Variants in THSD7B observed in about 807,000 individuals in gnomAD.
THSD7B encodes the protein thrombospondin type-1 domain-containing protein 7B.
THSD7B carries 138 observed loss-of-function variants against 213.6 expected under a neutral mutation model. That is an observed-to-expected ratio of 0.65 (90% CI 0.56 to 0.74). THSD7B has a LOEUF of 0.74. THSD7B is among the 30% of genes least tolerant of loss of function. The pLI, the probability that THSD7B is intolerant of heterozygous loss-of-function variation, is 0.00. For synonymous variants in THSD7B, 742 were observed against 687.0 expected, an observed-to-expected ratio of 1.08 and a Z score of -1.25; for missense variants, 1,931 against 1,991.5, an observed-to-expected ratio of 0.97 and a Z score of 0.58.
chr2:137,231,355 C>T, intron 8 of THSD7B, 120 bp downstream of exon 8: 2 of 983,622 alleles, frequency 2.0e-6, no homozygotes, highest in Admixed American at 2.8e-5. Context: ...TATCTCTATT[C>T]CCTGAATCCA....
At chr2:137,668,676 A>G (rs1022227247) in intron 27 of THSD7B, among the ~76,000 whole-genome samples, 1 of 152,226 alleles carries the variant, frequency 6.6e-6, no homozygotes, top group East Asian at 1.9e-4. Context: ...CCTGACTACT[A>G]ATGGCCCGCT....
intron 3 of THSD7B, among the ~76,000 whole-genome samples, chr2:137,092,875 T>A (rs1000245627): frequency 4.6e-5 from 7 of 152,200 alleles, no homozygotes; most frequent in African/African-American, 1.7e-4. Context: ...TGACCTCAGG[T>A]GATCTGCCTG....
chr2:137,569,726 C>T (rs964832095), intron 16 of THSD7B, among the ~76,000 whole-genome samples: 2 of 152,084 alleles, frequency 1.3e-5, no homozygotes, highest in African/African-American at 4.8e-5. Flanking sequence ...AGCCCGTCTA[C>T]TTTCCATTTC....
At chr2:137,333,944 GT>G (rs1448498687) in intron 12 of THSD7B, among the ~76,000 whole-genome samples, 1 of 152,092 alleles carries the variant, frequency 6.6e-6, no homozygotes. Context: ...TAAACCAAAA[GT>G]TTGCAAACTC....
chr2:136,973,810 GAGTATA>G (rs2104801692), intron 2 of THSD7B, among the ~76,000 whole-genome samples: 1 of 152,284 alleles, frequency 6.6e-6, no homozygotes, highest in East Asian at 1.9e-4. Context: ...CTGTTTCGGA[GAGTATA>G]AGTCAGTATG....
At chr2:137,589,340 T>C (rs2104811539) in intron 17 of THSD7B, among the ~76,000 whole-genome samples, 1 of 152,324 alleles carries the variant, frequency 6.6e-6, no homozygotes, top group African/African-American at 2.4e-5. Context: ...ATGAAACATT[T>C]AAGCATGCAG....
chr2:137,614,728 A>G (rs1395353340), intron 17 of THSD7B, among the ~76,000 whole-genome samples: 3 of 152,178 alleles, frequency 2.0e-5, no homozygotes, highest in African/African-American at 7.2e-5. Flanking sequence ...GTATAAAATT[A>G]TAAGTACTGA....
At chr2:137,518,002 C>G (rs1359138468) in intron 15 of THSD7B, among the ~76,000 whole-genome samples, 4 of 152,148 alleles carry the variant, frequency 2.6e-5, no homozygotes, top group Non-Finnish European at 4.4e-5. Context: ...GGGTCATGCA[C>G]AGCAGCATTA....
Position 137,372,323 on chromosome 2 carries a change from C to CTTTTTTTTTTTTT in THSD7B, c.2501-33274_2501-33262dup, listed in dbSNP as rs55635315. Among the ~76,000 whole-genome samples the CTTTTTTTTTTTTT allele has an allele frequency of 5.2e-5, 3 of 57,512 alleles. 1 individual carries two copies. Among genetic ancestry groups the CTTTTTTTTTTTTT allele is most frequent in the Non-Finnish European group, 1.0e-4 (3 of 29,878 alleles). The allele number at this position is 57,512 out of a possible 152,430, so 37.7% of individuals were successfully genotyped here. A position where few individuals can be genotyped will look rare whatever the true frequency, so the allele number is the denominator to read the frequency against. On this transcript the variant is annotated intron_variant, in intron 12 of 27. Coordinates refer to ENST00000409968, the MANE Select transcript of THSD7B (RefSeq NM_001316349.2). Reference sequence around the variant, plus strand: ...AGGCCAGAGAGAGTCTGATAATACTCTTTTTTTTTTTTTTTTTTTTTTTTT... The same window carrying CTTTTTTTTTTTTT: ...AGGCCAGAGAGAGTCTGATAATACTCTTTTTTTTTTTTTTTTTTTTTTTTTTTTTTTTTTTTTT...
At chr2:137,109,986 C>A (rs1316053611) in intron 4 of THSD7B, among the ~76,000 whole-genome samples, 2 of 152,192 alleles carry the variant, frequency 1.3e-5, no homozygotes, top group Non-Finnish European at 2.9e-5. Flanking sequence ...CACTCTGCCT[C>A]CCTGGGGACT....
chr2:137,260,009 C>T (rs982459536), intron 10 of THSD7B, among the ~76,000 whole-genome samples: 2 of 152,064 alleles, frequency 1.3e-5, no homozygotes, highest in African/African-American at 4.8e-5. Context: ...AAATCCCAGG[C>T]TTTCACTATC....
At chr2:136,830,072 G>A (rs1373943169) in intron 1 of THSD7B, among the ~76,000 whole-genome samples, 4 of 151,944 alleles carry the variant, frequency 2.6e-5, no homozygotes, top group African/African-American at 7.3e-5. Flanking sequence ...GCCCGTCTAT[G>A]CCTTTCCTTT....
At chr2:137,199,434 A>G (rs553401379) in intron 7 of THSD7B, among the ~76,000 whole-genome samples, 1 of 152,314 alleles carries the variant, frequency 6.6e-6, no homozygotes, top group Non-Finnish European at 1.5e-5. Flanking sequence ...AGTTTGGGAT[A>G]TTAACTGAAT....
chr2:137,232,532 A>G (rs1317843680), intron 8 of THSD7B, among the ~76,000 whole-genome samples: 3 of 152,176 alleles, frequency 2.0e-5, no homozygotes, highest in African/African-American at 7.2e-5. Context: ...CTTCGAGGTC[A>G]TAGACTATTC....
chr2:136,859,646 G>C (rs888907713), intron 1 of THSD7B, among the ~76,000 whole-genome samples: 1 of 152,174 alleles, frequency 6.6e-6, no homozygotes, highest in African/African-American at 2.4e-5. Context: ...TGTGTGCAAG[G>C]TATGCCCCTT....
At chr2:137,581,323 C>T (rs1263794229) in intron 17 of THSD7B, among the ~76,000 whole-genome samples, 2 of 152,166 alleles carry the variant, frequency 1.3e-5, no homozygotes, top group East Asian at 3.9e-4. Context: ...TGCAGTGGTT[C>T]ACGCCTGTAA....
At chr2:137,333,786 T>C (rs552004478) in intron 12 of THSD7B, among the ~76,000 whole-genome samples, 1 of 152,336 alleles carries the variant, frequency 6.6e-6, no homozygotes, top group African/African-American at 2.4e-5. Context: ...TTTTTAGTCC[T>C]GGTCTCCTCT....
chr2:136,969,565 A>G (rs1212175192), intron 2 of THSD7B, among the ~76,000 whole-genome samples: 2 of 152,188 alleles, frequency 1.3e-5, no homozygotes, highest in African/African-American at 2.4e-5. Context: ...CTTTTCAAAG[A>G]TTGGTTTAAG....
At chr2:137,193,082 G>T (rs1302460550) in intron 7 of THSD7B, among the ~76,000 whole-genome samples, 1 of 152,000 alleles carries the variant, frequency 6.6e-6, no homozygotes, top group Non-Finnish European at 1.5e-5. Flanking sequence ...TTCACTCACC[G>T]CTCCACCCCT....
Sources: gnomAD v4.1 joint callset for allele counts (sites outside exome capture counted in the v4.1 genomes callset) on GRCh38, gnomAD v4.1.1 for gene constraint, MANE v1.5 for transcripts, NCBI Gene and HGNC (gene_info 2026-07-23, HGNC 2026-07-21) for gene names.